Variants in LUZP1 observed in about 807,000 individuals in gnomAD.
LUZP1 encodes leucine zipper protein 1, also known as filamin mechanobinding actin cross-linking protein.
A neutral mutation model predicts 71.3 loss-of-function variants in LUZP1; 25 were observed. That is an observed-to-expected ratio of 0.35 (90% CI 0.26 to 0.49). The LOEUF is 0.49. Ranked by LOEUF, LUZP1 falls within the 20% of genes least tolerant of loss-of-function variation. LUZP1 has a pLI of 0.99. For synonymous variants in LUZP1, 481 were observed against 506.4 expected, an observed-to-expected ratio of 0.95 and a Z score of 0.67; for missense variants, 1,142 against 1,300.8, an observed-to-expected ratio of 0.88 and a Z score of 1.88.
At chr1:23,124,817 A>G (rs1160371451) in intron 2 of LUZP1, among the ~76,000 whole-genome samples, 1 of 152,166 alleles carries the variant, frequency 6.6e-6, no homozygotes, top group Non-Finnish European at 1.5e-5. Flanking sequence ...ACTTCAAGGA[A>G]AATAAGTTCA....
At chr1:23,158,748 C>A (rs1350906834) in intron 2 of LUZP1, among the ~76,000 whole-genome samples, 1 of 148,794 alleles carries the variant, frequency 6.7e-6, no homozygotes, top group Admixed American at 6.7e-5. Context: ...GGGCAGATTA[C>A]CTGAGGCCAG....
At chr1:23,142,266 T>C (rs1366574499) in intron 2 of LUZP1, among the ~76,000 whole-genome samples, 1 of 152,178 alleles carries the variant, frequency 6.6e-6, no homozygotes, top group African/African-American at 2.4e-5. Flanking sequence ...AGTGCTGGGA[T>C]TACAGGCATA....
chr1:23,138,164 G>T (rs1395680239), intron 2 of LUZP1, among the ~76,000 whole-genome samples: 4 of 151,988 alleles, frequency 2.6e-5, no homozygotes, highest in Non-Finnish European at 5.9e-5. Flanking sequence ...AGTAGAGATG[G>T]GGTTTTACCG....
exon 5 of LUZP1, chr1:23,084,435 T>C (rs1303349656): frequency 1.3e-5 from 2 of 152,052 alleles, no homozygotes; most frequent in Non-Finnish European, 2.9e-5. Context: ...GTCTCTCTCT[T>C]AAAAGGATAC....
chr1:23,176,865 A>G (rs1054493913), intron 1 of LUZP1, among the ~76,000 whole-genome samples: 6 of 150,276 alleles, frequency 4.0e-5, no homozygotes, highest in African/African-American at 1.5e-4. Flanking sequence ...TTGGAGAGCT[A>G]TAATTTTGGG....
At chr1:23,117,963 G>A (rs1285038782) in intron 2 of LUZP1, among the ~76,000 whole-genome samples, 5 of 152,008 alleles carry the variant, frequency 3.3e-5, no homozygotes, top group African/African-American at 4.8e-5. Flanking sequence ...GGTGGCGTAC[G>A]CCTGTAGTCC....
chr1:23,107,511 T>C (rs140078440), intron 3 of LUZP1, among the ~76,000 whole-genome samples: 211 of 152,280 alleles, frequency 1.4e-3, no homozygotes, highest in African/African-American at 4.8e-3. Context: ...GTGTAATAGG[T>C]ATGTGTAGGC....
intron 2 of LUZP1, among the ~76,000 whole-genome samples, chr1:23,129,813 A>G (rs1348554811): frequency 6.6e-6 from 1 of 152,186 alleles, no homozygotes; most frequent in African/African-American, 2.4e-5. Context: ...ATCTGTATCT[A>G]TATTTATATA....
In LUZP1 at chr1:23,093,201, T is replaced by C; in HGVS notation, c.1061A>G (p.Glu354Gly). The change falls in exon 4 of 5, where the codon GAA (glutamate) becomes GGA (glycine). Residue 354 changes from glutamate to glycine, a missense_variant. Glu to Gly is a moderately conservative substitution (Grantham distance 98, BLOSUM62 -2). Transcript: ENST00000302291. The surrounding 1 kb of genome is among the most constrained non-coding windows in gnomAD (Gnocchi z 4.2). ...ATCTTCCCCTTCTACCTCTCCATTT[T>C]CTAACTCTTTCTGTTTCTTGATTTG... The C allele has an allele frequency of 6.2e-7, 1 of 1,614,186 alleles. No individual in the cohort carries two copies. Among genetic ancestry groups the C allele is most frequent in the Non-Finnish European group, 8.5e-7 (1 of 1,180,024 alleles).
At chr1:23,142,690 TATATATATATACAC>T (rs1421893346) in intron 2 of LUZP1, among the ~76,000 whole-genome samples, 4 of 81,738 alleles carry the variant, frequency 4.9e-5, no homozygotes, top group Non-Finnish European at 9.4e-5. Flanking sequence ...GCATAAAATA[TATATATATATACAC>T]ACACACACAC....
At chr1:23,154,049 C>T (rs1023629574) in intron 2 of LUZP1, among the ~76,000 whole-genome samples, 4 of 152,088 alleles carry the variant, frequency 2.6e-5, no homozygotes, top group Admixed American at 6.6e-5. Flanking sequence ...CTCAAAAATA[C>T]GATGCTAAGT....
At chr1:23,168,425 T>C (rs577768818) in intron 2 of LUZP1, among the ~76,000 whole-genome samples, 1 of 134,504 alleles carries the variant, frequency 7.4e-6, no homozygotes, top group South Asian at 2.7e-4. Context: ...CTCCTCCGCG[T>C]CTCTGCCCCA....
chr1:23,148,765 C>T (rs1321333521), intron 2 of LUZP1, among the ~76,000 whole-genome samples: 1 of 151,742 alleles, frequency 6.6e-6, no homozygotes, highest in East Asian at 1.9e-4. Context: ...TGGAGCAGTT[C>T]AAATCTAACA....
chr1:23,148,671 T>G (rs1644360478), intron 2 of LUZP1, among the ~76,000 whole-genome samples: 1 of 152,190 alleles, frequency 6.6e-6, no homozygotes, highest in Admixed American at 6.5e-5. Flanking sequence ...TCTGATTTGT[T>G]TCATGAAACC....
intron 2 of LUZP1, among the ~76,000 whole-genome samples, chr1:23,142,720 C>T (rs1644314760): frequency 3.0e-5 from 2 of 65,910 alleles, no homozygotes; most frequent in African/African-American, 6.4e-5. Context: ...CACACACACA[C>T]ACACACACAC....
intron 1 of LUZP1, among the ~76,000 whole-genome samples, chr1:23,174,474 T>C (rs1644571472): frequency 6.6e-6 from 1 of 152,182 alleles, no homozygotes. Flanking sequence ...TTACCAGCTA[T>C]CTGGGCATCC....
At chr1:23,169,236 G>T (rs1166276122) in intron 1 of LUZP1, among the ~76,000 whole-genome samples, 1 of 152,160 alleles carries the variant, frequency 6.6e-6, no homozygotes, top group Non-Finnish European at 1.5e-5. Flanking sequence ...GCGCCCGCCG[G>T]TAAGCTAAAG....
At chr1:23,133,862 T>C (rs1057328065) in intron 2 of LUZP1, among the ~76,000 whole-genome samples, 3 of 152,168 alleles carry the variant, frequency 2.0e-5, no homozygotes, top group Non-Finnish European at 4.4e-5. Context: ...CACAGCAGCA[T>C]CTATGTAATA....
chr1:23,085,590 C>T (rs997066157), exon 5 of LUZP1: 1 of 152,494 alleles, frequency 6.6e-6, no homozygotes, highest in Non-Finnish European at 1.5e-5. Flanking sequence ...TTGGCACTGA[C>T]CCACTAAATA....
Sources: gnomAD v4.1 joint callset for allele counts (sites outside exome capture counted in the v4.1 genomes callset) on GRCh38, gnomAD v4.1.1 for gene constraint, Gnocchi (gnomAD v3.1) non-coding constraint, MANE v1.5 for transcripts, NCBI Gene and HGNC (gene_info 2026-07-23, HGNC 2026-07-21) for gene names.